Variants in HLA-DOB observed in about 807,000 individuals in gnomAD.
The protein encoded by HLA-DOB is major histocompatibility complex, class II, DO beta.
Under a neutral mutation model 27.7 loss-of-function variants are expected in HLA-DOB, and 25 were observed. That is an observed-to-expected ratio of 0.90 (90% CI 0.66 to 1.26). The LOEUF is 1.26. Among genes scored for constraint, HLA-DOB ranks in the 50% most tolerant of loss-of-function variants. HLA-DOB has a pLI of 0.00. For missense variants in HLA-DOB, 306 were observed against 324.9 expected (o/e 0.94, Z 0.45); for synonymous variants, 137 against 125.6 (o/e 1.09, Z -0.61).
chr6:32,815,335 C>G lies in HLA-DOB; in HGVS notation c.92-22G>C. The G allele has an allele frequency of 5.0e-6, 8 of 1,613,358 alleles. No individual in the cohort carries two copies. In the Admixed American group the frequency reaches 1.3e-4, roughly 27 times the overall value. On this transcript the variant is annotated intron_variant, in intron 1 of 5. Transcript: ENST00000438763. ...TCTTCTGGAAAACCAAAACCAAAACCATGAACCAGCCCCCTCCTCTGGGAA... is the reference window on the plus strand; with the variant it reads ...TCTTCTGGAAAACCAAAACCAAAACGATGAACCAGCCCCCTCCTCTGGGAA...
intron 2 of HLA-DOB, among the ~76,000 whole-genome samples, chr6:32,814,837 C>T (rs1442741483): frequency 6.6e-6 from 1 of 152,144 alleles, no homozygotes; most frequent in Admixed American, 6.5e-5. Flanking sequence ...GCACAATAGC[C>T]CTCGAAGTCC....
chr6:32,815,093 G>A lies in HLA-DOB; in HGVS notation c.312C>T (p.Val104=). 6.2e-7 allele frequency: 1 copy of A among 1,614,172 alleles called. No individual in the cohort carries two copies. Among genetic ancestry groups the A allele is most frequent in the Non-Finnish European group, 8.5e-7 (1 of 1,180,038 alleles). ...LERSRQAVDG[V]CRHNYRLGAP... Reference sequence around the variant, plus strand: ...CGCCCAGCCTGTAGTTGTGTCTACAGACCCCATCCACGGCCTGTCTGCTCC... The same window carrying A: ...CGCCCAGCCTGTAGTTGTGTCTACAAACCCCATCCACGGCCTGTCTGCTCC... Residue 104 remains valine (V), a synonymous_variant, in exon 2 of 6, where the codon GTC becomes GTT. Transcript: ENST00000438763.
chr6:32,815,971 C>T (rs1264171474), intron 1 of HLA-DOB, among the ~76,000 whole-genome samples: 1 of 152,158 alleles, frequency 6.6e-6, no homozygotes, highest in African/African-American at 2.4e-5. Context: ...TGTAATTTCT[C>T]AGCATGTATA....
Position 32,813,212 on chromosome 6 carries a change from G to A in HLA-DOB, c.*4C>T, listed in dbSNP as rs1196344792. The A allele has an allele frequency of 1.2e-6, 2 of 1,612,684 alleles. No individual in the cohort carries two copies. The highest frequency in any genetic ancestry group is 2.7e-5 in the African/African-American group (2 of 74,870). On this transcript the variant is annotated 3_prime_UTR_variant, in exon 6 of 6. Transcript: ENST00000438763. ...CTCCAGAGAGAGAAGCTTCAGTGAGGACCTTAGCATGACTGAGGGAGCAGA... is the reference window on the plus strand; with the variant it reads ...CTCCAGAGAGAGAAGCTTCAGTGAGAACCTTAGCATGACTGAGGGAGCAGA...
chr6:32,813,516 C>T (rs766145151), intron 4 of HLA-DOB, 45 bp from the exon 5 acceptor site: 1 of 1,600,710 alleles, frequency 6.2e-7, no homozygotes, highest in Non-Finnish European at 8.6e-7. Flanking sequence ...AATTAGGACC[C>T]AATATGATTA....
chr6:32,815,818 G>A (rs1016647046), intron 1 of HLA-DOB, among the ~76,000 whole-genome samples: 30 of 152,208 alleles, frequency 2.0e-4, no homozygotes, highest in African/African-American at 7.0e-4. Context: ...AAAGATAATT[G>A]CTATTAATGT....
In HLA-DOB at chr6:32,813,157, AG is replaced by A. The variant is rs56150445; in HGVS notation, c.*58del. The A allele has an allele frequency of 0.012, 17,556 of 1,477,010 alleles. 589 individuals are homozygous for A. Among genetic ancestry groups the A allele is most frequent in the South Asian group, 0.083 (7,342 of 88,446 alleles). The allele number at this position is 1,477,010 out of a possible 1,614,324, so 91.5% of individuals were successfully genotyped here. ...CTCATGAATGTCCTTTACCTCACCCAGGGCCCAGACTACTCATCACTACTTC... is the reference window on the plus strand; with the variant it reads ...CTCATGAATGTCCTTTACCTCACCCAGGCCCAGACTACTCATCACTACTTC... On this transcript the variant is annotated 3_prime_UTR_variant, in exon 6 of 6. Transcript: ENST00000438763.
chr6:32,813,232 A>T lies in HLA-DOB; in HGVS notation c.806T>A (p.Leu269His). ...GTGAGGACCTTAGCATGACTGAGGG[A>T]GCAGAACAGCTCTTGAGACCTGGAG... ...SGNEVSRAVLLPQSC is the reference protein window; with the variant it reads ...SGNEVSRAVLHPQSC Residue 269 changes from leucine to histidine, a missense_variant, in exon 6 of 6, where the codon CTC becomes CAC. Transcript: ENST00000438763. The T allele has an allele frequency of 6.2e-7, 1 of 1,612,978 alleles. No homozygotes were observed. Among genetic ancestry groups the T allele is most frequent in the Non-Finnish European group, 8.5e-7 (1 of 1,179,976 alleles).
At chr6:32,816,798 G>A in intron 1 of HLA-DOB, 63 bp downstream of exon 1, 1 of 1,306,252 alleles carries the variant, frequency 7.7e-7, no homozygotes, top group Non-Finnish European at 1.1e-6. Flanking sequence ...ACAAAGAAAG[G>A]CATCACTCCC....
Position 32,815,173 on chromosome 6 carries a change from T to C in HLA-DOB, c.232A>G (p.Lys78Glu). The C allele has an allele frequency of 6.2e-7, 1 of 1,614,234 alleles. No homozygotes were observed. The highest frequency in any genetic ancestry group is 1.1e-5 in the South Asian group (1 of 91,088). Residue 78 changes from lysine (K) to glutamate (E), a missense_variant, in exon 2 of 6, where the codon AAG (lysine) becomes GAG (glutamate). By Grantham distance (56) the Lys-to-Glu change is moderately conservative. Transcript: ENST00000438763. ...SDVGMFVALT[K>E]LGQPDAEQWN... ...TGCTCAGCATCTGGCTGCCCCAGCT[T>C]GGTCAATGCCACAAACATCCCCACA...
At chr6:32,814,855 C>A (rs1262575881) in intron 2 of HLA-DOB, among the ~76,000 whole-genome samples, 189 bp downstream of exon 2, 1 of 152,098 alleles carries the variant, frequency 6.6e-6, no homozygotes, top group Non-Finnish European at 1.5e-5. Context: ...TCCCTGAGAA[C>A]CTTGGGGGTC....
Position 32,812,946 on chromosome 6 carries a change from G to T in HLA-DOB, c.*270C>A, listed in dbSNP as rs113166463. 1 of 551,972 alleles carries T rather than the reference G, an allele frequency of 1.8e-6. No individual in the cohort carries two copies. The highest frequency in any genetic ancestry group is 3.2e-6 in the Non-Finnish European group (1 of 309,438). 34.2% of individuals were successfully genotyped at this position (551,972 alleles called of 1,614,324 possible). A position where few individuals can be genotyped will look rare whatever the true frequency, so the allele number is the denominator to read the frequency against. ...GACCACAGAAAAGTAAATGATTTGG[G>T]GCTGGAAGGAGTAAGGTCTCAGGGG... On this transcript the variant is annotated 3_prime_UTR_variant, in exon 6 of 6. Coordinates refer to ENST00000438763, the MANE Select transcript of HLA-DOB (RefSeq NM_002120.4).
chr6:32,816,853 G>C lies in HLA-DOB; in HGVS notation c.91+8C>G. 6.2e-7 allele frequency: 1 copy of C among 1,609,788 alleles called. No individual in the cohort carries two copies. Among genetic ancestry groups the C allele is most frequent in the Non-Finnish European group, 8.5e-7 (1 of 1,177,434 alleles). On this transcript the variant is annotated splice_region_variant and intron_variant, in intron 1 of 5. Transcript: ENST00000438763. ...CACACTGGAAAAAAACAATTGCTCT[G>C]TTCTTACCTGGAGAGTCTGTGCCTT...
intron 1 of HLA-DOB, among the ~76,000 whole-genome samples, chr6:32,815,589 A>G (rs1336103109): frequency 2.6e-5 from 4 of 152,246 alleles, no homozygotes; most frequent in African/African-American, 9.6e-5. Flanking sequence ...TGGATTCTCT[A>G]GGGAGGGGAG....
intron 1 of HLA-DOB, 29 bp downstream of exon 1, chr6:32,816,832 C>T: frequency 6.3e-7 from 1 of 1,583,682 alleles, no homozygotes; most frequent in East Asian, 2.2e-5. Context: ...TGCATACACA[C>T]TGGAAAAAAA....
chr6:32,815,744 G>C (rs1562305169), intron 1 of HLA-DOB, among the ~76,000 whole-genome samples: 2 of 152,182 alleles, frequency 1.3e-5, no homozygotes, highest in African/African-American at 4.8e-5. Context: ...AATTCAAATG[G>C]AGTTAATAAT....
At chr6:32,813,564 T>C (rs1767889557) in intron 4 of HLA-DOB, 93 bp from the exon 5 acceptor site, 1 of 1,398,952 alleles carries the variant, frequency 7.1e-7, no homozygotes, top group African/African-American at 1.4e-5. Flanking sequence ...AGGTCAGCAC[T>C]CTCTCTGCTT....
At chr6:32,815,396 A>T in intron 1 of HLA-DOB, 83 bp from the exon 2 acceptor site, 1 of 1,481,914 alleles carries the variant, frequency 6.7e-7, no homozygotes, top group Non-Finnish European at 9.3e-7. Flanking sequence ...GACCACATGG[A>T]TCTAAGAGGA....
Position 32,816,979 on chromosome 6 carries a change from T to G in HLA-DOB, c.-28A>C. On this transcript the variant is annotated 5_prime_UTR_variant, in exon 1 of 6. Transcript: ENST00000438763. The stretch of plus-strand genomic sequence containing the variant: ...TGGAGAAAGGAAAAAAATGAGATAG[T>G]AAAATCGTCAGCCTCTTCAGAATGA... 24 of 1,480,750 alleles carry G rather than the reference T, an allele frequency of 1.6e-5. No individual in the cohort carries two copies. The highest frequency in any genetic ancestry group is 2.2e-5 in the Non-Finnish European group (23 of 1,060,060). The allele number at this position is 1,480,750 out of a possible 1,614,324, so 91.7% of individuals were successfully genotyped here. A position where few individuals can be genotyped will look rare whatever the true frequency, so the allele number is the denominator to read the frequency against.
Sources: gnomAD v4.1 joint callset for allele counts (sites outside exome capture counted in the v4.1 genomes callset) on GRCh38, gnomAD v4.1.1 for gene constraint, MANE v1.5 for transcripts, NCBI Gene and HGNC (gene_info 2026-07-23, HGNC 2026-07-21) for gene names.